MAP2K4: variants seen among roughly 807,000 people sequenced by gnomAD.
MAP2K4 encodes the protein dual specificity mitogen-activated protein kinase kinase 4.
In MAP2K4, 4 loss-of-function variants were observed where a neutral mutation model predicts 48.5. The observed-to-expected ratio is 0.08, with a 90% CI of 0.04 to 0.19. The LOEUF (loss-of-function observed/expected upper bound fraction) is 0.19, where lower values mean the gene tolerates loss of function less well. MAP2K4 is among the 10% of genes least tolerant of loss of function. The pLI, the probability that MAP2K4 is intolerant of heterozygous loss-of-function variation, is 1.00. For missense variants in MAP2K4, 258 were observed against 493.3 expected, an observed-to-expected ratio of 0.52 and a Z score of 4.52; for synonymous variants, 166 against 173.1, an observed-to-expected ratio of 0.96 and a Z score of 0.32.
At chr17:12,111,727 A>G (rs1203743063) in intron 6 of MAP2K4, among the ~76,000 whole-genome samples, 1 of 152,188 alleles carries the variant, frequency 6.6e-6, no homozygotes, top group Non-Finnish European at 1.5e-5. Context: ...TGTTGGAGTC[A>G]GTGCTTTTGA....
At chr17:12,130,422 T>A (rs1455344009) in intron 9 of MAP2K4, among the ~76,000 whole-genome samples, 1 of 152,232 alleles carries the variant, frequency 6.6e-6, no homozygotes, top group Non-Finnish European at 1.5e-5. Flanking sequence ...TGCATAAATG[T>A]GATCATTTTA....
intron 9 of MAP2K4, among the ~76,000 whole-genome samples, chr17:12,137,415 T>C (rs966047411): frequency 2.6e-5 from 4 of 152,074 alleles, no homozygotes. Flanking sequence ...ATAAATTCAA[T>C]TAAAACTGAG....
chr17:12,116,939 G>A (rs193254512), intron 7 of MAP2K4, among the ~76,000 whole-genome samples: 150 of 152,200 alleles, frequency 9.9e-4, no homozygotes, highest in Non-Finnish European at 1.9e-3. Flanking sequence ...CACCACGAGC[G>A]CGAGTAATGT....
At chr17:12,028,685 A>G (rs1198228509) in intron 1 of MAP2K4, among the ~76,000 whole-genome samples, 1 of 152,198 alleles carries the variant, frequency 6.6e-6, no homozygotes, top group African/African-American at 2.4e-5. Flanking sequence ...TCTTTACATT[A>G]GTGTGGGTTC....
chr17:12,067,813 C>T (rs1970665534), intron 2 of MAP2K4, among the ~76,000 whole-genome samples: 1 of 152,036 alleles, frequency 6.6e-6, no homozygotes, highest in Non-Finnish European at 1.5e-5. Flanking sequence ...ATAGGTATTT[C>T]ATGTTGAAAA....
In MAP2K4 at chr17:12,046,537, C is replaced by T. The variant is rs114702685; in HGVS notation, c.116-8352C>T. ...ATATTTGCTTGTTGGTAGTAGACAT[C>T]TGGCTCAGAGTCTGATAGAAAGTGT... On this transcript the variant is annotated intron_variant, in intron 1 of 10. Coordinates refer to ENST00000353533, the MANE Select transcript of MAP2K4 (RefSeq NM_003010.4). 7.5e-3 allele frequency among the ~76,000 whole-genome samples: 1,139 copies of T among 152,250 alleles called. 12 individuals are homozygous for T. Among genetic ancestry groups the T allele is most frequent in the African/African-American group, 0.025 (1,021 of 41,546 alleles).
intron 1 of MAP2K4, among the ~76,000 whole-genome samples, chr17:12,049,711 A>G (rs759700260): frequency 1.3e-5 from 2 of 152,236 alleles, no homozygotes; most frequent in Non-Finnish European, 1.5e-5. Context: ...GAAGTCATAC[A>G]GTATTCCTTC....
chr17:12,052,468 G>GT (rs1970171486), intron 1 of MAP2K4, among the ~76,000 whole-genome samples: 2 of 152,140 alleles, frequency 1.3e-5, no homozygotes, highest in South Asian at 4.1e-4. Flanking sequence ...CAAGAAAACA[G>GT]TTTAAGTTTT....
chr17:12,109,966 T>C (rs1041121730), intron 5 of MAP2K4, among the ~76,000 whole-genome samples: 2 of 151,332 alleles, frequency 1.3e-5, no homozygotes, highest in Non-Finnish European at 2.9e-5. Flanking sequence ...CTGTCCATAC[T>C]AAAGATGTAA....
intron 2 of MAP2K4, among the ~76,000 whole-genome samples, chr17:12,057,503 G>C (rs1416446591): frequency 6.6e-6 from 1 of 152,028 alleles, no homozygotes; most frequent in Non-Finnish European, 1.5e-5. Context: ...AATTATATGA[G>C]GATAAGCCTC....
At chr17:12,087,547 G>A (rs548791943) in intron 3 of MAP2K4, among the ~76,000 whole-genome samples, 2 of 152,132 alleles carry the variant, frequency 1.3e-5, no homozygotes, top group South Asian at 2.1e-4. Flanking sequence ...CTGATAATAC[G>A]TAGCAGAAGG....
chr17:12,072,584 A>C (rs1329436697), intron 2 of MAP2K4, among the ~76,000 whole-genome samples: 3 of 152,224 alleles, frequency 2.0e-5, no homozygotes, highest in African/African-American at 7.2e-5. Context: ...TAGTGTCATG[A>C]GTATATGATA....
In MAP2K4 at chr17:12,142,055, C is replaced by A. The variant is rs563793589; in HGVS notation, c.*795C>A. 6.4e-5 allele frequency: 15 copies of A among 233,334 alleles called. No individual in the cohort carries two copies. Among genetic ancestry groups the A allele is most frequent in the Admixed American group, 5.1e-4 (9 of 17,782 alleles). 14.5% of individuals were successfully genotyped at this position (233,334 alleles called of 1,614,324 possible). On this transcript the variant is annotated 3_prime_UTR_variant, in exon 11 of 11. Transcript: ENST00000353533. Reference sequence around the variant, plus strand: ...CTAAGAATTTTTCATTCTCAGAATTCGGTGTGCTGCCAACTTGATGTTCCA... The same window carrying A: ...CTAAGAATTTTTCATTCTCAGAATTAGGTGTGCTGCCAACTTGATGTTCCA...
chr17:12,096,346 T>G (rs1321029752), intron 4 of MAP2K4, among the ~76,000 whole-genome samples: 1 of 152,202 alleles, frequency 6.6e-6, no homozygotes, highest in Non-Finnish European at 1.5e-5. Context: ...ACTTGGGTTA[T>G]CATTTCTGCC....
intron 2 of MAP2K4, chr17:12,069,896 TA>T: frequency 2.9e-4 from 1 of 3,502 alleles, no homozygotes; most frequent in Non-Finnish European, 4.5e-4. Flanking sequence ...TAGTCATATA[TA>T]TATATATATA....
intron 1 of MAP2K4, among the ~76,000 whole-genome samples, chr17:12,023,276 T>TTTTGG (rs1453973985): frequency 4.6e-5 from 7 of 152,152 alleles, no homozygotes; most frequent in Admixed American, 1.3e-4. Flanking sequence ...GGATCCTTCT[T>TTTTGG]TTTGGTTTGT....
Position 12,067,754 on chromosome 17 carries a change from G to A in MAP2K4, c.218+12763G>A, listed in dbSNP as rs547627840. On this transcript the variant is annotated intron_variant, in intron 2 of 10. Coordinates refer to ENST00000353533, the MANE Select transcript of MAP2K4 (RefSeq NM_003010.4). Reference sequence around the variant, plus strand: ...CAGTATGTGTTCTTTCATACATTTAGCAAATGTTTGTTGAATGTCTGCCAT... The same window carrying A: ...CAGTATGTGTTCTTTCATACATTTAACAAATGTTTGTTGAATGTCTGCCAT... 1.8e-4 allele frequency among the ~76,000 whole-genome samples: 27 copies of A among 152,312 alleles called. No individual in the cohort carries two copies. The South Asian group carries it at 5.4e-3, about 30-fold the overall frequency.
intron 1 of MAP2K4, among the ~76,000 whole-genome samples, chr17:12,051,644 T>C (rs187140266): frequency 2.0e-5 from 3 of 152,348 alleles, no homozygotes; most frequent in Admixed American, 1.3e-4. Flanking sequence ...TTTCAATCTT[T>C]GTTAGCATCT....
At chr17:12,122,468 A>C (rs1185714989) in intron 7 of MAP2K4, among the ~76,000 whole-genome samples, 3 of 152,166 alleles carry the variant, frequency 2.0e-5, no homozygotes, top group Admixed American at 2.0e-4. Flanking sequence ...TGTTATTGGG[A>C]GTGGAATTAA....
Sources: gnomAD v4.1 joint callset for allele counts (sites outside exome capture counted in the v4.1 genomes callset) on GRCh38, gnomAD v4.1.1 for gene constraint, MANE v1.5 for transcripts, NCBI Gene and HGNC (gene_info 2026-07-23, HGNC 2026-07-21) for gene names.